Variants in PHRF1 observed in about 807,000 individuals in gnomAD.
PHRF1 encodes the protein PHD and RING finger domain-containing protein 1.
Under a neutral mutation model 128.9 loss-of-function variants are expected in PHRF1, and 53 were observed. That is an observed-to-expected ratio of 0.41 (90% CI 0.33 to 0.52). The LOEUF (loss-of-function observed/expected upper bound fraction) is 0.52, where lower values mean the gene tolerates loss of function less well. Ranked by LOEUF, PHRF1 falls within the 20% of genes least tolerant of loss-of-function variation. PHRF1 has a pLI of 0.21. For synonymous variants in PHRF1, 1,178 were observed against 980.6 expected, an observed-to-expected ratio of 1.20 and a Z score of -3.76; for missense variants, 2,503 against 2,284.5, an observed-to-expected ratio of 1.10 and a Z score of -1.95.
At position 605,611 on chromosome 11, in the gene PHRF1, A is replaced by G. The variant is rs751731546; in HGVS notation, c.1341A>G (p.Glu447=). The G allele has an allele frequency of 1.9e-6, 3 of 1,613,704 alleles. No individual in the cohort carries two copies. The highest frequency in any genetic ancestry group is 4.5e-5 in the East Asian group (2 of 44,880). ...PYELDPFDSS[E]ELSANPLSPL... ...CCTGTGTCCTCCCCTCTAGCAGTGA[A>G]GAGCTTTCTGCAAACCCTCTTTCCC... Residue 447 remains glutamate, a synonymous_variant, in exon 12 of 18, where the codon GAA becomes GAG. Coordinates refer to ENST00000264555, the MANE Select transcript of PHRF1 (RefSeq NM_001286581.2).
chr11:599,083 G>A (rs1473034253), intron 9 of PHRF1, among the ~76,000 whole-genome samples: 1 of 152,186 alleles, frequency 6.6e-6, no homozygotes, highest in Admixed American at 6.5e-5. Context: ...CACCCCCGGC[G>A]CTGGTGCGCG....
intron 4 of PHRF1, 139 bp downstream of exon 4, chr11:587,603 G>A: frequency 4.6e-6 from 4 of 869,782 alleles, no homozygotes; most frequent in Non-Finnish European, 7.1e-6. Context: ...GATTGAGTCT[G>A]GCTTGGTCTT....
intron 1 of PHRF1, among the ~76,000 whole-genome samples, chr11:577,571 G>T (rs559362189): frequency 1.3e-5 from 2 of 152,268 alleles, no homozygotes; most frequent in African/African-American, 4.8e-5. Context: ...CCTGGCCTTG[G>T]CCCTCAGCAG....
In PHRF1 at chr11:596,884, AGCAGCACCCGGAT is replaced by A. The variant is rs560552665; in HGVS notation, c.621-36_621-24del. On this transcript the variant is annotated intron_variant, in intron 6 of 17. Transcript: ENST00000264555. Reference sequence around the variant, plus strand: ...CTTGAGGAGGTTTGGGAAAGCTGTGAGCAGCACCCGGATGCTTTGGCCCTGCTCTCTCCTGTAG... The same window carrying A: ...CTTGAGGAGGTTTGGGAAAGCTGTGAGCTTTGGCCCTGCTCTCTCCTGTAG... 3.4e-4 allele frequency: 543 copies of A among 1,586,028 alleles called. 7 individuals are homozygous for A. In the East Asian group the frequency reaches 0.012, roughly 35 times the overall value.
In PHRF1 at chr11:612,031, AATTT is replaced by A. The variant is rs1289528892; in HGVS notation, c.*257_*260del. On this transcript the variant is annotated 3_prime_UTR_variant, in exon 18 of 18. Transcript: ENST00000264555. ...ATTATAGAGACACTGTTTCCATTCT[AATTT>A]ATCAAAAATGGATTATCTTTAGAAA... is the stretch of plus-strand genomic sequence containing the variant. 1 of 516,000 alleles carries A rather than the reference AATTT, an allele frequency of 1.9e-6. No homozygotes were observed. The highest frequency in any genetic ancestry group is 1.9e-5 in the African/African-American group (1 of 51,790). 32.0% of individuals were successfully genotyped at this position (516,000 alleles called of 1,614,324 possible). A position where few individuals can be genotyped will look rare whatever the true frequency, so the allele number is the denominator to read the frequency against.
chr11:598,590 C>A, intron 9 of PHRF1, 88 bp downstream of exon 9: 1 of 1,459,990 alleles, frequency 6.8e-7, no homozygotes, highest in African/African-American at 1.4e-5. Flanking sequence ...AGGCTGTGGG[C>A]ATTTCCATTT....
chr11:608,580 C>T lies in PHRF1; in HGVS notation c.3124C>T (p.Pro1042Ser). ...SASPSVGEER[P>S]RRQRSKAKSR... is the part of the protein sequence containing the mutation. Reference sequence around the variant, plus strand: ...GTCACCATCAGTGGGTGAGGAGCGCCCCAGGAGGCAGCGGTCCAAGGCCAA... The same window carrying T: ...GTCACCATCAGTGGGTGAGGAGCGCTCCAGGAGGCAGCGGTCCAAGGCCAA... The change falls in exon 14 of 18, where the codon CCC becomes TCC. Residue 1042 changes from proline to serine, a missense_variant. Coordinates refer to ENST00000264555, the MANE Select transcript of PHRF1 (RefSeq NM_001286581.2). 1 of 1,612,276 alleles carries T rather than the reference C, an allele frequency of 6.2e-7. No homozygotes were observed. The highest frequency in any genetic ancestry group is 1.1e-5 in the South Asian group (1 of 91,060).
intron 4 of PHRF1, among the ~76,000 whole-genome samples, chr11:590,632 T>C (rs970408396): frequency 2.0e-5 from 3 of 152,338 alleles, no homozygotes; most frequent in South Asian, 2.1e-4. Context: ...AAAGATCTTA[T>C]GTGGGTCAGA....
chr11:598,298 G>A (rs1855418673), intron 8 of PHRF1, 75 bp from the exon 9 acceptor site: 21 of 1,527,952 alleles, frequency 1.4e-5, no homozygotes, highest in Non-Finnish European at 1.8e-5. Context: ...GCTGTGTTCT[G>A]GGCTCCATTT....
At chr11:579,596 G>A (rs74045033) in intron 1 of PHRF1, among the ~76,000 whole-genome samples, 2,426 of 152,298 alleles carry the variant, frequency 0.016, 70 homozygotes, top group African/African-American at 0.055. Flanking sequence ...AGTGTCTCTA[G>A]GATTCAGGTG....
chr11:581,421 G>T, intron 1 of PHRF1, 71 bp from the exon 2 acceptor site: 2 of 1,350,990 alleles, frequency 1.5e-6, no homozygotes, highest in East Asian at 2.4e-5. Context: ...GTGGGGAGAG[G>T]TCATAACTCT....
At position 578,890 on chromosome 11, in the gene PHRF1, C is replaced by T. The variant is rs936568722; in HGVS notation, c.-22+2298C>T. On this transcript the variant is annotated intron_variant, in intron 1 of 17. Transcript: ENST00000264555. Reference sequence around the variant, plus strand: ...TTTTTGAGACTGAGTCTCACTCTGTCGCCCAGTGGCATGTAGTGGCGCGAT... The same window carrying T: ...TTTTTGAGACTGAGTCTCACTCTGTTGCCCAGTGGCATGTAGTGGCGCGAT... Among the ~76,000 whole-genome samples, 70 of 151,854 alleles carry T rather than the reference C, an allele frequency of 4.6e-4. No individual in the cohort carries two copies. In the South Asian group the frequency reaches 6.3e-3, roughly 14 times the overall value.
At chr11:604,231 A>G (rs1291631589) in intron 10 of PHRF1, among the ~76,000 whole-genome samples, 3 of 151,956 alleles carry the variant, frequency 2.0e-5, no homozygotes, top group African/African-American at 4.8e-5. Context: ...CGTCGTCCTG[A>G]GCTTTTTGTC....
intron 4 of PHRF1, among the ~76,000 whole-genome samples, chr11:590,693 T>C (rs2132933933): frequency 6.6e-6 from 1 of 152,328 alleles, no homozygotes; most frequent in Middle Eastern, 3.4e-3. Flanking sequence ...CTGACTGTTA[T>C]CCATACTATG....
chr11:583,208 A>G (rs1171801230), intron 3 of PHRF1, among the ~76,000 whole-genome samples: 2 of 151,748 alleles, frequency 1.3e-5, no homozygotes, highest in Non-Finnish European at 2.9e-5. Flanking sequence ...TCGTGTTGGC[A>G]CGCGCCTGTA....
At chr11:593,845 G>T (rs1405961721) in intron 6 of PHRF1, among the ~76,000 whole-genome samples, 1 of 152,170 alleles carries the variant, frequency 6.6e-6, no homozygotes, top group African/African-American at 2.4e-5. Context: ...ACACCTCGCC[G>T]TCCCTCCTTT....
At position 608,377 on chromosome 11, in the gene PHRF1, C is replaced by G. The variant is rs763758710; in HGVS notation, c.2921C>G (p.Pro974Arg). 1.2e-6 allele frequency: 2 copies of G among 1,611,246 alleles called. No homozygotes were observed. The highest frequency in any genetic ancestry group is 1.1e-5 in the South Asian group (1 of 90,950). ...GTGGAGCCGGAAGCCCCACCCAGCC[C>G]GGACGTGCTGCAGGCTGCCACCCAC... ...TVVEPEAPPSPDVLQAATHRV... is the reference protein window; with the variant it reads ...TVVEPEAPPSRDVLQAATHRV... Residue 974 changes from proline (P) to arginine (R), a missense_variant, in exon 14 of 18, where the codon CCG becomes CGG. By Grantham distance (103) the Pro-to-Arg change is moderately radical. Coordinates refer to ENST00000264555, the MANE Select transcript of PHRF1 (RefSeq NM_001286581.2).
At chr11:585,231 A>C (rs1240449933) in intron 3 of PHRF1, among the ~76,000 whole-genome samples, 5 of 151,282 alleles carry the variant, frequency 3.3e-5, no homozygotes, top group Non-Finnish European at 7.4e-5. Context: ...TTGAGGTAGT[A>C]GCCCTTTCCA....
In PHRF1 at chr11:611,044, G is replaced by T; in HGVS notation, c.4768G>T (p.Glu1590Ter). 6.2e-7 allele frequency: 1 copy of T among 1,613,402 alleles called. No individual in the cohort carries two copies. The highest frequency in any genetic ancestry group is 8.5e-7 in the Non-Finnish European group (1 of 1,179,798). The change falls in exon 17 of 18, where the codon GAG becomes TAG. Residue 1590 changes from glutamate (E) to a stop codon, truncating the protein, a stop_gained. Transcript: ENST00000264555. LOFTEE classifies it low-confidence loss of function (END_TRUNC). ...CTACCAGAAGAGGGAGGTGACCAAG[G>T]AGGAGTACAAGGACATCCTGCGCAA... is the stretch of plus-strand genomic sequence containing the variant. Reference protein sequence around the residue: ...PFYQKREVTKEEYKDILRKAV... With the variant: ...PFYQKREVTK
Sources: gnomAD v4.1 joint callset for allele counts (sites outside exome capture counted in the v4.1 genomes callset) on GRCh38, gnomAD v4.1.1 for gene constraint, MANE v1.5 for transcripts, NCBI Gene and HGNC (gene_info 2026-07-23, HGNC 2026-07-21) for gene names.